RYR2: variants seen among roughly 807,000 people sequenced by gnomAD.
RYR2 encodes ryanodine receptor 2.
A neutral mutation model predicts 601.1 loss-of-function variants in RYR2; 227 were observed. The observed-to-expected ratio is 0.38, with a 90% CI of 0.34 to 0.42. The LOEUF (loss-of-function observed/expected upper bound fraction) is 0.42. RYR2 is among the 10% of genes least tolerant of loss of function. The pLI is 1.00. For synonymous variants in RYR2, 2,223 were observed against 2,175.1 expected, an observed-to-expected ratio of 1.02 and a Z score of -0.61; for missense variants, 4,646 against 6,156.5, an observed-to-expected ratio of 0.75 and a Z score of 8.21.
At chr1:237,209,154 T>G (rs946762519) in intron 1 of RYR2, among the ~76,000 whole-genome samples, 1 of 150,852 alleles carries the variant, frequency 6.6e-6, no homozygotes, top group African/African-American at 2.4e-5. Context: ...TATATATAAA[T>G]GTACTGTAAT....
intron 14 of RYR2, among the ~76,000 whole-genome samples, chr1:237,446,888 T>C (rs940373778): frequency 6.6e-6 from 1 of 152,196 alleles, no homozygotes; most frequent in Admixed American, 6.5e-5. Context: ...ACAGTAAAAA[T>C]TTATTACATT....
intron 1 of RYR2, among the ~76,000 whole-genome samples, chr1:237,262,212 T>C (rs1476260039): frequency 1.3e-5 from 2 of 148,558 alleles, no homozygotes; most frequent in Admixed American, 1.3e-4. Flanking sequence ...TTCTGGCCTT[T>C]CTTCCATAAA....
intron 41 of RYR2, among the ~76,000 whole-genome samples, chr1:237,629,822 C>A (rs1352947489): frequency 6.6e-6 from 1 of 151,908 alleles, no homozygotes; most frequent in East Asian, 1.9e-4. Context: ...TGCTCATGGA[C>A]CTATTAAGTA....
chr1:237,363,084 T>TA (rs56947411), intron 4 of RYR2, among the ~76,000 whole-genome samples: 45,103 of 146,584 alleles, frequency 0.31, 6,874 homozygotes, highest in East Asian at 0.32. Context: ...CTAGCTTAAT[T>TA]AAAAAAAAAA....
In RYR2 at chr1:237,830,405, T is replaced by C. The variant is rs1023842731; in HGVS notation, c.14656-125T>C. ...TTATATTCGTGGGCTTGGCACAGCC[T>C]CCATGTGATGATCTTTGACGTGTAT... On this transcript the variant is annotated intron_variant, in intron 102 of 104. Transcript: ENST00000366574. 5.4e-4 allele frequency: 365 copies of C among 676,304 alleles called. 3 individuals are homozygous for C. Among genetic ancestry groups the C allele is most frequent in the Non-Finnish European group, 9.6e-5 (35 of 365,890 alleles). 41.9% of individuals were successfully genotyped at this position (676,304 alleles called of 1,614,324 possible). A position where few individuals can be genotyped will look rare whatever the true frequency, so the allele number is the denominator to read the frequency against.
At position 237,423,168 on chromosome 1, in the gene RYR2, A is replaced by G; in HGVS notation, c.925A>G (p.Met309Val). Residue 309 changes from methionine (M) to valine (V), a missense_variant, in exon 12 of 105, where the codon ATG becomes GTG. Physicochemically the swap from Met to Val is conservative, Grantham distance 21. Transcript: ENST00000366574. Reference sequence around the variant, plus strand: ...CACAACAGGAAAATACTTGAGTCTCATGGAAGACAAAAACCTTCTACTCAT... The same window carrying G: ...CACAACAGGAAAATACTTGAGTCTCGTGGAAGACAAAAACCTTCTACTCAT... The part of the protein sequence containing the change: ...HVTTGKYLSL[M>V]EDKNLLLMDK... The G allele has an allele frequency of 1.2e-6, 2 of 1,613,702 alleles. No homozygotes were observed.
intron 3 of RYR2, among the ~76,000 whole-genome samples, chr1:237,352,195 G>A (rs908548091): frequency 3.9e-5 from 6 of 152,012 alleles, no homozygotes; most frequent in African/African-American, 1.4e-4. Context: ...TTTCAAGGCA[G>A]TGTTGAATAA....
At chr1:237,651,316 T>C in intron 50 of RYR2, 95 bp from the exon 51 acceptor site, 1 of 830,774 alleles carries the variant, frequency 1.2e-6, no homozygotes, top group Non-Finnish European at 2.0e-6. Flanking sequence ...GAGGTATAGA[T>C]TCAGGTCCTT....
rs186666963 is a variant in RYR2, at chr1:237,822,952, G to A, written c.14590+3760G>A. On this transcript the variant is annotated intron_variant, in intron 101 of 104. Coordinates refer to ENST00000366574, the MANE Select transcript of RYR2 (RefSeq NM_001035.3). The stretch of plus-strand genomic sequence containing the variant: ...AAAAGAGACAAGGGCATTACATAAT[G>A]GTAAAGGGATCAATGCAACAAGAAG... Among the ~76,000 whole-genome samples, 18 of 152,268 alleles carry A rather than the reference G, an allele frequency of 1.2e-4. No individual in the cohort carries two copies. The East Asian group carries it at 3.5e-3, about 29-fold the overall frequency.
chr1:237,231,010 T>C (rs1206841732), intron 1 of RYR2, among the ~76,000 whole-genome samples: 2 of 150,186 alleles, frequency 1.3e-5, no homozygotes, highest in African/African-American at 2.4e-5. Context: ...ACAAGTTAAA[T>C]CTTTGATAAT....
intron 65 of RYR2, 40 bp downstream of exon 65, chr1:237,700,507 C>A: frequency 1.1e-6 from 1 of 947,258 alleles, no homozygotes; most frequent in South Asian, 1.6e-5. Flanking sequence ...TTTTTTTAAT[C>A]GAAATACCCT....
intron 79 of RYR2, among the ~76,000 whole-genome samples, chr1:237,736,132 T>A (rs1186355785): frequency 6.6e-6 from 1 of 152,174 alleles, no homozygotes; most frequent in Admixed American, 6.5e-5. Context: ...ATTGATGAGC[T>A]GAAACACATA....
chr1:237,439,199 T>C (rs1414930351), intron 12 of RYR2, among the ~76,000 whole-genome samples: 2 of 152,212 alleles, frequency 1.3e-5, no homozygotes, highest in African/African-American at 2.4e-5. Context: ...TCATCTGAAT[T>C]TCTCCTAAGC....
chr1:237,364,975 T>G (rs1436852312), intron 5 of RYR2, among the ~76,000 whole-genome samples: 1 of 152,098 alleles, frequency 6.6e-6, no homozygotes, highest in East Asian at 1.9e-4. Context: ...AGTAGACAAA[T>G]GAAAAGAGTA....
intron 21 of RYR2, among the ~76,000 whole-genome samples, chr1:237,502,650 G>C (rs987953973): frequency 6.6e-6 from 1 of 152,136 alleles, no homozygotes; most frequent in South Asian, 2.1e-4. Context: ...GATCTCACAG[G>C]GGGCAGAGCT....
intron 89 of RYR2, among the ~76,000 whole-genome samples, chr1:237,783,300 G>A (rs1695276916): frequency 6.6e-6 from 1 of 152,136 alleles, no homozygotes; most frequent in Non-Finnish European, 1.5e-5. Flanking sequence ...TATTGTCTAT[G>A]ATAGTGATTT....
At chr1:237,145,091 G>A (rs1673852674) in intron 1 of RYR2, among the ~76,000 whole-genome samples, 1 of 151,970 alleles carries the variant, frequency 6.6e-6, no homozygotes, top group Admixed American at 6.6e-5. Context: ...GCTAGGGGAG[G>A]GATAGCATTA....
intron 24 of RYR2, among the ~76,000 whole-genome samples, chr1:237,518,903 C>T (rs979755119): frequency 1.3e-5 from 2 of 152,174 alleles, no homozygotes; most frequent in Admixed American, 6.5e-5. Flanking sequence ...TCCCTTTTCT[C>T]TGCATCCTCG....
chr1:237,527,646 C>G (rs1274757320), intron 24 of RYR2, among the ~76,000 whole-genome samples: 1 of 152,128 alleles, frequency 6.6e-6, no homozygotes, highest in African/African-American at 2.4e-5. Context: ...CCTTTATTCC[C>G]ACATGTCTTC....
Sources: allele counts gnomAD v4.1 joint callset (sites outside exome capture counted in the v4.1 genomes callset), GRCh38; gene constraint gnomAD v4.1.1; transcripts MANE v1.5; gene names NCBI Gene and HGNC (gene_info 2026-07-23, HGNC 2026-07-21).